PREX2: variants seen among roughly 807,000 people sequenced by gnomAD.
PREX2 encodes the protein phosphatidylinositol 3,4,5-trisphosphate-dependent Rac exchanger 2 protein.
In PREX2, 107 loss-of-function variants were observed where a neutral mutation model predicts 203.2. That is an observed-to-expected ratio of 0.53 (90% CI 0.45 to 0.62). The LOEUF is 0.62. Among genes scored for constraint, PREX2 ranks in the 20% least tolerant of loss-of-function variants. The pLI is 0.00. For missense variants in PREX2, 1,777 were observed against 1,955.9 expected (o/e 0.91, Z 1.72); for synonymous variants, 672 against 663.6 (o/e 1.01, Z -0.19).
intron 23 of PREX2, chr8:68,106,299 T>G (rs761264591): frequency 3.9e-6 from 2 of 509,486 alleles, no homozygotes; most frequent in African/African-American, 3.9e-5. Flanking sequence ...CTGAAAGTTT[T>G]TTGCATCTAG....
chr8:67,958,902 T>C (rs1805558903), intron 1 of PREX2, among the ~76,000 whole-genome samples: 1 of 152,174 alleles, frequency 6.6e-6, no homozygotes, highest in African/African-American at 2.4e-5. Context: ...CTTTTGGACA[T>C]GTTGAGCTGA....
intron 37 of PREX2, among the ~76,000 whole-genome samples, chr8:68,194,987 C>T (rs1469838677): frequency 1.3e-5 from 2 of 152,082 alleles, no homozygotes; most frequent in Non-Finnish European, 2.9e-5. Context: ...TCTTCTCTTA[C>T]CCTGGTACAA....
chr8:68,063,683 G>A (rs144644360), intron 11 of PREX2, among the ~76,000 whole-genome samples: 3 of 152,118 alleles, frequency 2.0e-5, no homozygotes, highest in Non-Finnish European at 2.9e-5. Flanking sequence ...CTATCCTAGC[G>A]TATTTCTGCC....
At chr8:68,216,397 T>C (rs959030723) in intron 37 of PREX2, among the ~76,000 whole-genome samples, 2 of 151,856 alleles carry the variant, frequency 1.3e-5, no homozygotes, top group African/African-American at 4.8e-5. Context: ...TACAGGGAGG[T>C]AAATGCAAAA....
At position 68,022,120 on chromosome 8, in the gene PREX2, A is replaced by G. The variant is rs1423969985; in HGVS notation, c.421A>G (p.Thr141Ala). 2.0e-6 allele frequency: 3 copies of G among 1,530,696 alleles called. No individual in the cohort carries two copies. Among genetic ancestry groups the G allele is most frequent in the Middle Eastern group, 1.7e-4 (1 of 5,900 alleles). 94.8% of individuals were successfully genotyped at this position (1,530,696 alleles called of 1,614,324 possible). A position where few individuals can be genotyped will look rare whatever the true frequency, so the allele number is the denominator to read the frequency against. ...KLLLELNKIR[T>A]IRTFLLNCML... ...ACTTCTTGAACTCAACAAAATAAGA[A>G]CAATCCGGACATTTCTTTTGGTAAG... The change falls in exon 4 of 40, where the codon ACA becomes GCA. Residue 141 changes from threonine to alanine, a missense_variant. Physicochemically the swap from Thr to Ala is moderately conservative, Grantham distance 58 (BLOSUM62 0). Coordinates refer to ENST00000288368, the MANE Select transcript of PREX2 (RefSeq NM_024870.4).
chr8:68,069,841 A>G lies in PREX2; in HGVS notation c.1450A>G (p.Arg484Gly). ...ATATCTCTATTTTACGTAGGGTGTAAGATTATATTGTCGTCTTCATAGCCT... is the reference window on the plus strand; with the variant it reads ...ATATCTCTATTTTACGTAGGGTGTAGGATTATATTGTCGTCTTCATAGCCT... ...EMQDVISKGV[R>G]LYCRLHSLFT... is the part of the protein sequence containing the mutation. The change falls in exon 13 of 40, where the codon AGA (arginine) becomes GGA (glycine). Residue 484 changes from arginine to glycine, a missense_variant. Arg to Gly is a moderately radical substitution (Grantham distance 125, BLOSUM62 -2). Transcript: ENST00000288368. 6.5e-7 allele frequency: 1 copy of G among 1,533,796 alleles called. No homozygotes were observed.
At chr8:68,029,249 G>C (rs1367597372) in intron 5 of PREX2, among the ~76,000 whole-genome samples, 2 of 152,180 alleles carry the variant, frequency 1.3e-5, no homozygotes, top group East Asian at 3.9e-4. Flanking sequence ...GTGAGTGATG[G>C]TTTTCTCTCA....
intron 35 of PREX2, among the ~76,000 whole-genome samples, chr8:68,188,542 T>C (rs948924163): frequency 3.3e-5 from 5 of 152,180 alleles, no homozygotes; most frequent in East Asian, 3.8e-4. Context: ...AAAGACATAC[T>C]TGAGACTGGG....
At chr8:68,209,070 TA>T (rs994362514) in intron 37 of PREX2, among the ~76,000 whole-genome samples, 7,886 of 115,058 alleles carry the variant, frequency 0.069, 218 homozygotes, top group Non-Finnish European at 0.09. Flanking sequence ...TGGACTCATT[TA>T]AAAAAAAAAA....
chr8:67,952,755 T>C, intron 1 of PREX2: 1 of 661,900 alleles, frequency 1.5e-6, no homozygotes, highest in South Asian at 1.6e-5. Flanking sequence ...GCGGGGGCCT[T>C]GGAGACCTCC....
At chr8:68,109,704 C>G in intron 25 of PREX2, 81 bp downstream of exon 25, 1 of 1,144,736 alleles carries the variant, frequency 8.7e-7, no homozygotes, top group Non-Finnish European at 1.3e-6. Flanking sequence ...CAATCATTCT[C>G]TCTTTAGTTA....
At chr8:68,188,391 G>A (rs1403688794) in intron 35 of PREX2, among the ~76,000 whole-genome samples, 1 of 152,158 alleles carries the variant, frequency 6.6e-6, no homozygotes, top group African/African-American at 2.4e-5. Context: ...AGGAAACCTA[G>A]CAGTAAGAAA....
At chr8:67,981,818 G>C (rs1043054973) in intron 1 of PREX2, among the ~76,000 whole-genome samples, 2 of 152,182 alleles carry the variant, frequency 1.3e-5, no homozygotes, top group Admixed American at 6.5e-5. Context: ...CATGAGGTAA[G>C]AACTATGTGC....
At chr8:67,975,083 A>G (rs1806035202) in intron 1 of PREX2, among the ~76,000 whole-genome samples, 1 of 152,058 alleles carries the variant, frequency 6.6e-6, no homozygotes, top group African/African-American at 2.4e-5. Context: ...GCCTTCCTGC[A>G]CTGCTAAGAA....
chr8:68,178,163 A>G (rs543688771), intron 35 of PREX2, among the ~76,000 whole-genome samples: 44 of 152,276 alleles, frequency 2.9e-4, no homozygotes, highest in African/African-American at 1.0e-3. Context: ...GCTGGGTCAA[A>G]TGGTATTTCT....
intron 11 of PREX2, among the ~76,000 whole-genome samples, chr8:68,065,387 G>T (rs1265674458): frequency 6.6e-6 from 1 of 152,158 alleles, no homozygotes; most frequent in African/African-American, 2.4e-5. Flanking sequence ...TATTTCTCTT[G>T]ATTTTATATT....
chr8:68,079,734 T>A (rs1281989112), intron 15 of PREX2, among the ~76,000 whole-genome samples: 1 of 152,226 alleles, frequency 6.6e-6, no homozygotes, highest in East Asian at 1.9e-4. Flanking sequence ...GCCTTATTTT[T>A]AAAAATACTA....
chr8:68,113,571 G>A (rs1210799935), intron 25 of PREX2, among the ~76,000 whole-genome samples: 4 of 152,174 alleles, frequency 2.6e-5, no homozygotes, highest in African/African-American at 9.7e-5. Context: ...TATTAAAAAT[G>A]TTCACAGGGC....
At chr8:68,008,849 A>G (rs1156326482) in intron 1 of PREX2, among the ~76,000 whole-genome samples, 1 of 152,152 alleles carries the variant, frequency 6.6e-6, no homozygotes, top group Non-Finnish European at 1.5e-5. Context: ...GCCTTCTGCC[A>G]TGATTGTGAG....
Sources: gnomAD v4.1 joint callset for allele counts (sites outside exome capture counted in the v4.1 genomes callset) on GRCh38, gnomAD v4.1.1 for gene constraint, MANE v1.5 for transcripts, NCBI Gene and HGNC (gene_info 2026-07-23, HGNC 2026-07-21) for gene names.